Variants in OPHN1 observed in about 807,000 individuals in gnomAD.
OPHN1 encodes oligophrenin 1.
In OPHN1, 11 loss-of-function variants were observed where a neutral mutation model predicts 60.7. That is an observed-to-expected ratio of 0.18 (90% CI 0.11 to 0.30). The LOEUF (loss-of-function observed/expected upper bound fraction) is 0.30. Among genes scored for constraint, OPHN1 ranks in the 10% least tolerant of loss-of-function variants. OPHN1 has a pLI of 1.00. For synonymous variants in OPHN1, 226 were observed against 222.6 expected, an observed-to-expected ratio of 1.02 and a Z score of -0.14; for missense variants, 449 against 611.0, an observed-to-expected ratio of 0.73 and a Z score of 2.80.
chrX:68,186,530 A>T (rs1045737409), intron 15 of OPHN1, among the ~76,000 whole-genome samples: 4 of 111,050 alleles, frequency 3.6e-5, no homozygotes, highest in Admixed American at 1.9e-4. Context: ...AAAAGTGAAC[A>T]GACTGAGTAC....
intron 2 of OPHN1, among the ~76,000 whole-genome samples, chrX:68,335,214 G>A (rs1265861296): frequency 5.5e-5 from 6 of 108,343 alleles, no homozygotes; most frequent in South Asian, 8.1e-4. Flanking sequence ...TACGTTAGGT[G>A]CCCAAAATAA....
At chrX:68,321,583 C>G (rs1317508274) in intron 2 of OPHN1, among the ~76,000 whole-genome samples, 2 of 111,826 alleles carry the variant, frequency 1.8e-5, no homozygotes, top group Non-Finnish European at 3.8e-5. Context: ...GTCGTATGTT[C>G]TCACTTACAA....
chrX:68,345,729 G>A (rs1186685156), intron 2 of OPHN1, among the ~76,000 whole-genome samples: 2 of 112,032 alleles, frequency 1.8e-5, no homozygotes, highest in Admixed American at 9.5e-5. Flanking sequence ...GGTGGCACAC[G>A]CCTGTAGTCC....
chrX:68,210,107 T>C (rs2077577993), intron 9 of OPHN1, 46 bp downstream of exon 9: 1 of 1,200,403 alleles, frequency 8.3e-7, no homozygotes. Context: ...TGGCAGTAGT[T>C]CCTGGCTTAT....
At chrX:68,217,656 C>G (rs1470103308) in intron 6 of OPHN1, among the ~76,000 whole-genome samples, 2 of 110,489 alleles carry the variant, frequency 1.8e-5, no homozygotes, top group Non-Finnish European at 3.8e-5. Context: ...GAGGCACCCC[C>G]CAGCAGGGAC....
chrX:68,296,033 C>G (rs151095912), intron 3 of OPHN1, among the ~76,000 whole-genome samples: 4 of 111,233 alleles, frequency 3.6e-5, no homozygotes, highest in Admixed American at 9.6e-5. Flanking sequence ...TCTCAGCTTC[C>G]AAAGCAACTG....
At chrX:68,363,018 C>T (rs1020972286) in intron 2 of OPHN1, among the ~76,000 whole-genome samples, 3 of 110,419 alleles carry the variant, frequency 2.7e-5, no homozygotes, top group Non-Finnish European at 5.7e-5. Context: ...GATGCCAAGG[C>T]GGGTGGATCA....
chrX:68,386,836 C>T (rs909566596), intron 2 of OPHN1, among the ~76,000 whole-genome samples: 8 of 112,242 alleles, frequency 7.1e-5, no homozygotes, highest in African/African-American at 6.5e-5. Flanking sequence ...TATTAAACTT[C>T]GCAGACCTAC....
intron 15 of OPHN1, among the ~76,000 whole-genome samples, chrX:68,127,733 C>T: frequency 8.9e-6 from 1 of 111,954 alleles, no homozygotes; most frequent in Non-Finnish European, 1.9e-5. Context: ...TACTACTTAT[C>T]ATTTGGTCAG....
chrX:68,373,897 T>C (rs950098657), intron 2 of OPHN1, among the ~76,000 whole-genome samples: 1 of 110,907 alleles, frequency 9.0e-6, no homozygotes, highest in Non-Finnish European at 1.9e-5. Context: ...GCTAGTACAA[T>C]TGGGGGAAGA....
intron 19 of OPHN1, among the ~76,000 whole-genome samples, chrX:68,075,779 C>CAAAAA (rs35536405): frequency 5.0e-5 from 2 of 39,859 alleles, no homozygotes; most frequent in African/African-American, 9.0e-5. Context: ...TATACATAGG[C>CAAAAA]AAAAAAAAAA....
chrX:68,237,205 G>A (rs1200350726), intron 5 of OPHN1, among the ~76,000 whole-genome samples: 4 of 112,288 alleles, frequency 3.6e-5, no homozygotes, highest in East Asian at 2.8e-4. Context: ...GGCTGGTCTC[G>A]AACTCCTGAC....
rs140989559 is a variant in OPHN1 at position 68,100,163 on chromosome X, T to C, written c.1527-3134A>G. On this transcript the variant is annotated intron_variant, in intron 18 of 24. Coordinates refer to ENST00000355520, the MANE Select transcript of OPHN1 (RefSeq NM_002547.3). ...CAGAAAGTAGTGCTCTCGAAAATAATTGGGGGCAAAGACAACCACACACTG... is the reference window on the plus strand; with the variant it reads ...CAGAAAGTAGTGCTCTCGAAAATAACTGGGGGCAAAGACAACCACACACTG... Among the ~76,000 whole-genome samples the C allele has an allele frequency of 6.9e-3, 765 of 111,186 alleles. 2 individuals are homozygous for C. The highest frequency in any genetic ancestry group is 0.011 in the Non-Finnish European group (593 of 53,108).
chrX:68,393,658 T>C (rs1256892160), intron 2 of OPHN1, among the ~76,000 whole-genome samples: 1 of 111,031 alleles, frequency 9.0e-6, no homozygotes, highest in Non-Finnish European at 1.9e-5. Context: ...ATGTCCCTTT[T>C]TTATTTCTAT....
intron 2 of OPHN1, among the ~76,000 whole-genome samples, chrX:68,341,873 C>T (rs1467197219): frequency 9.1e-6 from 1 of 109,595 alleles, no homozygotes; most frequent in Non-Finnish European, 1.9e-5. Flanking sequence ...ATCAATCTGG[C>T]ACAATGTATG....
At chrX:68,067,922 T>C (rs986622591) in intron 20 of OPHN1, among the ~76,000 whole-genome samples, 1 of 111,896 alleles carries the variant, frequency 8.9e-6, no homozygotes. Flanking sequence ...TAGGATAAGA[T>C]AGATGAGTGC....
At chrX:68,304,805 T>C (rs1002657593) in intron 2 of OPHN1, among the ~76,000 whole-genome samples, 1 of 111,238 alleles carries the variant, frequency 9.0e-6, no homozygotes, top group Non-Finnish European at 1.9e-5. Flanking sequence ...TAGCAGCCAC[T>C]AGAGAAGGCA....
chrX:68,258,917 T>C, intron 5 of OPHN1, among the ~76,000 whole-genome samples: 1 of 112,080 alleles, frequency 8.9e-6, no homozygotes, highest in Non-Finnish European at 1.9e-5. Flanking sequence ...TTTCCTTGGA[T>C]ATGCAGCAAA....
chrX:68,432,841 A>G (rs2078892512), intron 2 of OPHN1, 26 bp downstream of exon 2: 6 of 1,207,482 alleles, frequency 5.0e-6, no homozygotes, highest in Non-Finnish European at 6.7e-6. Flanking sequence ...GCTCAGAGAA[A>G]CAGCTCATCG....
Sources: gnomAD v4.1 joint callset for allele counts (sites outside exome capture counted in the v4.1 genomes callset) on GRCh38, gnomAD v4.1.1 for gene constraint, MANE v1.5 for transcripts, NCBI Gene and HGNC (gene_info 2026-07-23, HGNC 2026-07-21) for gene names.